Variants in PRPSAP2 observed in about 807,000 individuals in gnomAD.
The protein encoded by PRPSAP2 is phosphoribosyl pyrophosphate synthase-associated protein 2.
Under a neutral mutation model 40.6 loss-of-function variants are expected in PRPSAP2, and 24 were observed. The observed-to-expected ratio is 0.59, with a 90% CI of 0.43 to 0.83. The LOEUF is 0.83. Among genes scored for constraint, PRPSAP2 ranks in the 40% least tolerant of loss-of-function variants. The pLI is 0.00. For synonymous variants in PRPSAP2, 149 were observed against 164.7 expected (o/e 0.90, Z 0.73); for missense variants, 292 against 465.6 (o/e 0.63, Z 3.43).
In PRPSAP2 at chr17:18,925,727, A is replaced by G. The variant is rs759798009; in HGVS notation, c.804+1743A>G. On this transcript the variant is annotated intron_variant, in intron 10 of 11. Coordinates refer to ENST00000268835, the MANE Select transcript of PRPSAP2 (RefSeq NM_002767.4). ...CAAGGTGCTGCCAAATTGTTTCCAA[A>G]GTGGTCACACCCATTTCCCAAGTTC... Among the ~76,000 whole-genome samples, 11 of 152,268 alleles carry G rather than the reference A, an allele frequency of 7.2e-5. No homozygotes were observed. In the Middle Eastern group the frequency reaches 0.01, roughly 141 times the overall value.
At chr17:18,905,081 T>C (rs1038575256) in intron 8 of PRPSAP2, 3 of 152,238 alleles carry the variant, frequency 2.0e-5, no homozygotes, top group African/African-American at 4.8e-5. Context: ...TGGCATGCAA[T>C]GGCACGATCT....
At chr17:18,897,453 G>GTGGTGTTGTTGTTGTTGTTGT (rs1555555754) in intron 8 of PRPSAP2, among the ~76,000 whole-genome samples, 8 of 150,484 alleles carry the variant, frequency 5.3e-5, no homozygotes, top group African/African-American at 2.0e-4. Flanking sequence ...CTCTATAGTG[G>GTGGTGTTGTTGTTGTTGTTGT]TGTTGTTGTT....
chr17:18,867,563 C>T (rs2037525303), intron 4 of PRPSAP2, among the ~76,000 whole-genome samples: 1 of 152,200 alleles, frequency 6.6e-6, no homozygotes, highest in South Asian at 2.1e-4. Context: ...AGTTCTGAGA[C>T]TTCATTCAGT....
chr17:18,884,001 G>T (rs951547269), intron 7 of PRPSAP2, among the ~76,000 whole-genome samples: 5 of 152,198 alleles, frequency 3.3e-5, no homozygotes, highest in African/African-American at 1.2e-4. Context: ...AGGCGCAGTG[G>T]CTCACGCCTA....
chr17:18,909,638 G>T (rs1341031898), intron 8 of PRPSAP2, among the ~76,000 whole-genome samples: 1 of 151,884 alleles, frequency 6.6e-6, no homozygotes, highest in Non-Finnish European at 1.5e-5. Flanking sequence ...AAAGCATGTG[G>T]CTGGACACGT....
chr17:18,926,810 T>G (rs11657284), intron 10 of PRPSAP2, among the ~76,000 whole-genome samples: 27,276 of 151,096 alleles, frequency 0.18, 2,688 homozygotes, highest in African/African-American at 0.25. Context: ...GTGTTTGTGT[T>G]TGTGAATGCA....
At chr17:18,900,904 A>G (rs56321767) in intron 8 of PRPSAP2, among the ~76,000 whole-genome samples, 11,755 of 152,192 alleles carry the variant, frequency 0.077, 547 homozygotes, top group Middle Eastern at 0.14. Context: ...AGTTGGGGGT[A>G]GAAGTCCAGA....
intron 8 of PRPSAP2, chr17:18,908,499 T>G (rs2040744019): frequency 1.3e-6 from 1 of 759,628 alleles, no homozygotes; most frequent in East Asian, 2.5e-5. Flanking sequence ...GTCAAGCTCC[T>G]GAAACACAAG....
chr17:18,856,686 G>A (rs772674661), upstream of PRPSAP2, among the ~76,000 whole-genome samples: 20 of 152,202 alleles, frequency 1.3e-4, no homozygotes, highest in Non-Finnish European at 2.8e-4. Context: ...CAGAATTGGA[G>A]AGAAGATGTG....
chr17:18,865,773 A>T (rs2037381521), intron 2 of PRPSAP2, 29 bp from the exon 3 acceptor site: 1 of 1,300,420 alleles, frequency 7.7e-7, no homozygotes, highest in Admixed American at 3.0e-5. Flanking sequence ...ATCATATGGC[A>T]GTTTTTAATA....
At chr17:18,867,169 A>G in intron 3 of PRPSAP2, 113 bp from the exon 4 acceptor site, 1 of 1,096,294 alleles carries the variant, frequency 9.1e-7, no homozygotes, top group South Asian at 1.6e-5. Context: ...ATTTTATAAG[A>G]AGAATAACTT....
intron 1 of PRPSAP2, among the ~76,000 whole-genome samples, chr17:18,861,218 A>G (rs889590851): frequency 6.6e-6 from 1 of 152,066 alleles, no homozygotes; most frequent in Non-Finnish European, 1.5e-5. Flanking sequence ...TAATCCCAGC[A>G]CTTTAGGAGG....
At chr17:18,864,573 G>A (rs1255224548) in intron 1 of PRPSAP2, among the ~76,000 whole-genome samples, 1 of 152,108 alleles carries the variant, frequency 6.6e-6, no homozygotes, top group African/African-American at 2.4e-5. Context: ...TTACAGGTCT[G>A]AGCCACCGCG....
At chr17:18,879,599 G>A (rs1308180959) in intron 6 of PRPSAP2, among the ~76,000 whole-genome samples, 1 of 151,834 alleles carries the variant, frequency 6.6e-6, no homozygotes, top group African/African-American at 2.4e-5. Flanking sequence ...GATTACTGGC[G>A]CCCACCACCA....
chr17:18,856,366 T>A (rs571942835), upstream of PRPSAP2: 23 of 151,914 alleles, frequency 1.5e-4, 1 homozygote, highest in Admixed American at 6.6e-4. Context: ...GTGACCGGAG[T>A]TAGATGCCAG....
At chr17:18,876,508 T>C (rs1298069829) in intron 5 of PRPSAP2, among the ~76,000 whole-genome samples, 7 of 152,202 alleles carry the variant, frequency 4.6e-5, no homozygotes, top group Non-Finnish European at 1.0e-4. Flanking sequence ...CAAATACTTA[T>C]TTTGAATGTC....
At chr17:18,873,005 C>T (rs2151895484) in intron 5 of PRPSAP2, among the ~76,000 whole-genome samples, 1 of 151,728 alleles carries the variant, frequency 6.6e-6, no homozygotes, top group African/African-American at 2.4e-5. Flanking sequence ...CCACGCCTGG[C>T]TAATTTTTGT....
chr17:18,925,833 C>T (rs1034192891), intron 10 of PRPSAP2, among the ~76,000 whole-genome samples: 12 of 152,104 alleles, frequency 7.9e-5, no homozygotes, highest in Admixed American at 2.0e-4. Context: ...TCTCTGGGGC[C>T]GGGCACGGTG....
At chr17:18,913,858 A>G (rs963813032) in intron 9 of PRPSAP2, among the ~76,000 whole-genome samples, 8 of 150,964 alleles carry the variant, frequency 5.3e-5, no homozygotes, top group African/African-American at 1.9e-4. Flanking sequence ...GCTTCTTTCT[A>G]TCCATACTAA....
Sources: allele counts gnomAD v4.1 joint callset (sites outside exome capture counted in the v4.1 genomes callset), GRCh38; gene constraint gnomAD v4.1.1; transcripts MANE v1.5; gene names NCBI Gene and HGNC (gene_info 2026-07-23, HGNC 2026-07-21).